RFTN1: variants seen among roughly 807,000 people sequenced by gnomAD.
RFTN1 encodes the protein raftlin.
A neutral mutation model predicts 46.5 loss-of-function variants in RFTN1; 26 were observed. The ratio of observed to expected loss-of-function variants is 0.56; its 90% CI spans 0.41 to 0.78. The LOEUF (loss-of-function observed/expected upper bound fraction) is 0.78, where lower values mean the gene tolerates loss of function less well. RFTN1 is among the 30% of genes least tolerant of loss of function. The pLI is 0.00. For synonymous variants in RFTN1, 261 were observed against 284.2 expected (o/e 0.92, Z 0.82); for missense variants, 693 against 718.7 (o/e 0.96, Z 0.41).
rs866136735 is a variant in RFTN1 at position 16,346,541 on chromosome 3, G to C, written c.1146+11391C>G. On this transcript the variant is annotated intron_variant, in intron 7 of 9. Coordinates refer to ENST00000334133, the MANE Select transcript of RFTN1 (RefSeq NM_015150.2). This position sits in a 1 kb window ranked among gnomAD's most constrained non-coding sequence, Gnocchi z 4.4. ...CTAGTCCCCCTCAGTGGCACATTCT[G>C]TTGGCTGCCAAAGCCAACAGCCCCT... The C allele has an allele frequency of 6.6e-6, 1 of 152,092 alleles. No individual in the cohort carries two copies. The highest frequency in any genetic ancestry group is 2.4e-5 in the African/African-American group (1 of 41,408). The allele number at this position is 152,092 out of a possible 1,614,324, so 9.4% of individuals were successfully genotyped here. A position where few individuals can be genotyped will look rare whatever the true frequency, so the allele number is the denominator to read the frequency against.
intron 6 of RFTN1, among the ~76,000 whole-genome samples, chr3:16,358,547 C>T (rs2072617419): frequency 6.6e-6 from 1 of 151,676 alleles, no homozygotes; most frequent in Non-Finnish European, 1.5e-5. Context: ...GTCCAGACAA[C>T]ATCTTAGGCA....
chr3:16,409,264 T>C (rs1009660439), intron 4 of RFTN1, 111 bp downstream of exon 4: 4 of 710,342 alleles, frequency 5.6e-6, no homozygotes, highest in Non-Finnish European at 9.9e-6. Context: ...AGGTCACAGC[T>C]CTTGCATGGC....
chr3:16,331,963 A>G (rs1294930674), intron 7 of RFTN1, among the ~76,000 whole-genome samples: 1 of 152,248 alleles, frequency 6.6e-6, no homozygotes, highest in Admixed American at 6.5e-5. Flanking sequence ...GATGTCAGCA[A>G]TGCTATTGAG....
At chr3:16,399,573 T>C (rs1033810993) in intron 4 of RFTN1, among the ~76,000 whole-genome samples, 6 of 152,226 alleles carry the variant, frequency 3.9e-5, no homozygotes, top group African/African-American at 1.4e-4. Flanking sequence ...CTCTGGCTAC[T>C]TACTTTTTCT....
rs1365156116 is a variant in RFTN1 at position 16,504,881 on chromosome 3, A to G, written c.-9+8561T>C. ...CCCCACAGAATGCAGCACCTTGCCC[A>G]ACAAGCTTGCTCTTCCTCCTGCATT... On this transcript the variant is annotated intron_variant, in intron 1 of 9. Transcript: ENST00000334133. This position sits in a 1 kb window ranked among gnomAD's most constrained non-coding sequence, Gnocchi z 4.4. Among the ~76,000 whole-genome samples, 1 of 152,066 alleles carries G rather than the reference A, an allele frequency of 6.6e-6. No individual in the cohort carries two copies. Among genetic ancestry groups the G allele is most frequent in the Non-Finnish European group, 1.5e-5 (1 of 68,000 alleles).
At chr3:16,355,664 GGAGT>G (rs1299325828) in intron 7 of RFTN1, among the ~76,000 whole-genome samples, 1 of 152,210 alleles carries the variant, frequency 6.6e-6, no homozygotes, top group African/African-American at 2.4e-5. Flanking sequence ...TTCTTAAAAT[GGAGT>G]GAGCCTCAGA....
chr3:16,491,445 C>G (rs1005974474), intron 2 of RFTN1, among the ~76,000 whole-genome samples: 4 of 152,188 alleles, frequency 2.6e-5, no homozygotes, highest in African/African-American at 9.6e-5. Context: ...AGGGCAGGAG[C>G]AGGGAGGCCA....
chr3:16,507,848 T>C lies in RFTN1; in HGVS notation c.-9+5594A>G, dbSNP rs1362148117. On this transcript the variant is annotated intron_variant, in intron 1 of 9. Coordinates refer to ENST00000334133, the MANE Select transcript of RFTN1 (RefSeq NM_015150.2). This position sits in a 1 kb window ranked among gnomAD's most constrained non-coding sequence, Gnocchi z 7.1. ...ATACACACACACACACATACACACA[T>C]ATATATACACACACACATGCACACA... 6.7e-6 allele frequency among the ~76,000 whole-genome samples: 1 copy of C among 150,096 alleles called. No individual in the cohort carries two copies. The highest frequency in any genetic ancestry group is 1.5e-5 in the Non-Finnish European group (1 of 67,432).
At position 16,337,615 on chromosome 3, in the gene RFTN1, G is replaced by A. The variant is rs763964153; in HGVS notation, c.1147-10739C>T. 9.2e-5 allele frequency among the ~76,000 whole-genome samples: 14 copies of A among 151,866 alleles called. No individual in the cohort carries two copies. The highest frequency in any genetic ancestry group is 6.6e-4 in the Admixed American group (10 of 15,258). On this transcript the variant is annotated intron_variant, in intron 7 of 9. Coordinates refer to ENST00000334133, the MANE Select transcript of RFTN1 (RefSeq NM_015150.2). This position sits in a 1 kb window ranked among gnomAD's most constrained non-coding sequence, Gnocchi z 5.0. ...AAATTAGCCAAGCATGGTGGCAGGCGCCTGTAGTCCCAGCTACTCGGGAGG... is the reference window on the plus strand; with the variant it reads ...AAATTAGCCAAGCATGGTGGCAGGCACCTGTAGTCCCAGCTACTCGGGAGG...
chr3:16,366,757 C>A (rs2125352680), intron 6 of RFTN1, among the ~76,000 whole-genome samples: 1 of 152,324 alleles, frequency 6.6e-6, no homozygotes, highest in African/African-American at 2.4e-5. Context: ...AGGATGAAGT[C>A]AATGCTAAGT....
rs954078231 is a variant in RFTN1 at position 16,451,332 on chromosome 3, G to A, written c.146-17295C>T. 1.3e-5 allele frequency among the ~76,000 whole-genome samples: 2 copies of A among 152,158 alleles called. No homozygotes were observed. Among genetic ancestry groups the A allele is most frequent in the African/African-American group, 4.8e-5 (2 of 41,434 alleles). On this transcript the variant is annotated intron_variant, in intron 2 of 9. Transcript: ENST00000334133. This position sits in a 1 kb window ranked among gnomAD's most constrained non-coding sequence, Gnocchi z 4.2. ...TCCCCCAAAGCCTTCATTCCTTCCAGGACACATGGTAGATGCCCCTGCATG... is the reference window on the plus strand; with the variant it reads ...TCCCCCAAAGCCTTCATTCCTTCCAAGACACATGGTAGATGCCCCTGCATG...
rs2070055904 is a variant in RFTN1, at chr3:16,329,308, A to G, written c.1147-2432T>C. 6.6e-6 allele frequency among the ~76,000 whole-genome samples: 1 copy of G among 152,178 alleles called. No individual in the cohort carries two copies. Among genetic ancestry groups the G allele is most frequent in the Non-Finnish European group, 1.5e-5 (1 of 68,042 alleles). ...GCCTGATCTCAGGTATCCTGTTACA[A>G]CAGCACAAGTGGACCGAGACAGGGC... On this transcript the variant is annotated intron_variant, in intron 7 of 9. Coordinates refer to ENST00000334133, the MANE Select transcript of RFTN1 (RefSeq NM_015150.2). This position sits in a 1 kb window ranked among gnomAD's most constrained non-coding sequence, Gnocchi z 4.5.
intron 5 of RFTN1, among the ~76,000 whole-genome samples, chr3:16,375,987 C>T (rs1416961215): frequency 6.6e-6 from 1 of 152,142 alleles, no homozygotes; most frequent in African/African-American, 2.4e-5. Context: ...GCGGAAGTTC[C>T]TTGGACAAGT....
chr3:16,485,755 G>A (rs888421431), intron 2 of RFTN1, among the ~76,000 whole-genome samples: 1 of 152,202 alleles, frequency 6.6e-6, no homozygotes, highest in Non-Finnish European at 1.5e-5. Flanking sequence ...ATATGGGTGT[G>A]TTTCATGGTA....
chr3:16,332,310 CT>C (rs1418725318), intron 7 of RFTN1, among the ~76,000 whole-genome samples: 2 of 150,540 alleles, frequency 1.3e-5, no homozygotes, highest in Non-Finnish European at 3.0e-5. Flanking sequence ...TTTAATTTTG[CT>C]TTCTGAGAGA....
In RFTN1 at chr3:16,317,339, C is replaced by A. The variant is rs745483963; in HGVS notation, c.1333-107G>T. 2 of 1,168,028 alleles carry A rather than the reference C, an allele frequency of 1.7e-6. No individual in the cohort carries two copies. The highest frequency in any genetic ancestry group is 2.4e-6 in the Non-Finnish European group (2 of 823,314). The allele number at this position is 1,168,028 out of a possible 1,614,324, so 72.4% of individuals were successfully genotyped here. A position where few individuals can be genotyped will look rare whatever the true frequency, so the allele number is the denominator to read the frequency against. ...CCACACCATGTCTGAGTGAGACATA[C>A]AATTCCCAGCATCCCCCAGCCAGGC... On this transcript the variant is annotated intron_variant, in intron 9 of 9. Coordinates refer to ENST00000334133, the MANE Select transcript of RFTN1 (RefSeq NM_015150.2). This position sits in a 1 kb window ranked among gnomAD's most constrained non-coding sequence, Gnocchi z 4.3.
rs752470557 is a variant in RFTN1, at chr3:16,474,801, C to A, written c.145+18924G>T. 6.6e-6 allele frequency among the ~76,000 whole-genome samples: 1 copy of A among 152,228 alleles called. No homozygotes were observed. Among genetic ancestry groups the A allele is most frequent in the African/African-American group, 2.4e-5 (1 of 41,462 alleles). On this transcript the variant is annotated intron_variant, in intron 2 of 9. Coordinates refer to ENST00000334133, the MANE Select transcript of RFTN1 (RefSeq NM_015150.2). The surrounding 1 kb of genome is among the most constrained non-coding windows in gnomAD (Gnocchi z 5.5). ...AGATGACATCTTGACAAGTTGGACT[C>A]TTTCGGGACAAAGAATACAAGCTGC...
rs982651035 is a variant in RFTN1, at chr3:16,506,920, G to A, written c.-9+6522C>T. On this transcript the variant is annotated intron_variant, in intron 1 of 9. Transcript: ENST00000334133. This position sits in a 1 kb window ranked among gnomAD's most constrained non-coding sequence, Gnocchi z 4.8. ...ACTTATCTGGTACAGGATGGTAAAG[G>A]GCATTTGGAATATTCCATCTGTGGC... Among the ~76,000 whole-genome samples, 3 of 152,128 alleles carry A rather than the reference G, an allele frequency of 2.0e-5. No homozygotes were observed. The highest frequency in any genetic ancestry group is 7.2e-5 in the African/African-American group (3 of 41,420).
In RFTN1 at chr3:16,426,390, G is replaced by A. The variant is rs983762135; in HGVS notation, c.332+7461C>T. 3.9e-4 allele frequency among the ~76,000 whole-genome samples: 59 copies of A among 152,204 alleles called. 1 individual carries two copies. Among genetic ancestry groups the A allele is most frequent in the Admixed American group, 2.4e-3 (36 of 15,296 alleles). On this transcript the variant is annotated intron_variant, in intron 3 of 9. Transcript: ENST00000334133. The surrounding 1 kb of genome is among the most constrained non-coding windows in gnomAD (Gnocchi z 5.9). ...CCACTTAAAGAGGACACTTTCGACTGTAATTTTTTAAAGGATTTTCTTTTT... is the reference window on the plus strand; with the variant it reads ...CCACTTAAAGAGGACACTTTCGACTATAATTTTTTAAAGGATTTTCTTTTT...
Sources: allele counts gnomAD v4.1 joint callset (sites outside exome capture counted in the v4.1 genomes callset), GRCh38; gene constraint gnomAD v4.1.1; non-coding constraint Gnocchi (gnomAD v3.1); transcripts MANE v1.5; gene names NCBI Gene and HGNC (gene_info 2026-07-23, HGNC 2026-07-21).